Variants in HEXIM2 observed in about 807,000 individuals in gnomAD.
The protein encoded by HEXIM2 is protein HEXIM2.
For synonymous variants in HEXIM2, 159 were observed against 162.7 expected, an observed-to-expected ratio of 0.98 and a Z score of 0.17; for missense variants, 413 against 390.8, an observed-to-expected ratio of 1.06 and a Z score of -0.48.
Position 45,162,550 on chromosome 17 carries a change from C to T in HEXIM2, c.-130C>T. 1.6e-5 allele frequency: 22 copies of T among 1,362,816 alleles called. No homozygotes were observed. Among genetic ancestry groups the T allele is most frequent in the Non-Finnish European group, 2.1e-5 (22 of 1,054,600 alleles). 84.4% of individuals were successfully genotyped at this position (1,362,816 alleles called of 1,614,324 possible). On this transcript the variant is annotated 5_prime_UTR_variant, in exon 2 of 4. Coordinates refer to ENST00000589230, the MANE Select transcript of HEXIM2 (RefSeq NM_001303441.2). ...GAGGAGCAGGACAGAGAAGACGGCCCCTGAATCCCATTTGGCCCCTTGCTG... is the reference window on the plus strand; with the variant it reads ...GAGGAGCAGGACAGAGAAGACGGCCTCTGAATCCCATTTGGCCCCTTGCTG...
intron 3 of HEXIM2, among the ~76,000 whole-genome samples, chr17:45,165,196 G>A (rs541221567): frequency 1.3e-5 from 2 of 152,282 alleles, no homozygotes; most frequent in South Asian, 4.1e-4. Context: ...CAAGCCACTG[G>A]TGGAGACAAG....
chr17:45,169,516 CG>C lies in HEXIM2; in HGVS notation c.570del (p.Lys191ArgfsTer127). The C allele has an allele frequency of 1.9e-6, 3 of 1,603,286 alleles. No individual in the cohort carries two copies. Among genetic ancestry groups the C allele is most frequent in the Non-Finnish European group, 2.6e-6 (3 of 1,175,060 alleles). On this transcript the variant is annotated frameshift_variant, in exon 4 of 4. Coordinates refer to ENST00000589230, the MANE Select transcript of HEXIM2 (RefSeq NM_001303441.2). LOFTEE classifies it low-confidence loss of function (END_TRUNC). ...GRGRAHGEFQ[R>X]KDFSETYERF... ...GGGCCGAGCGCACGGTGAGTTCCAG[CG>C]GAAGGACTTCTCTGAGACTTACGAA...
chr17:45,165,431 C>G (rs2144062794), intron 3 of HEXIM2, among the ~76,000 whole-genome samples: 1 of 152,290 alleles, frequency 6.6e-6, no homozygotes, highest in East Asian at 1.9e-4. Context: ...TCACATGTCT[C>G]TGAACTGCGT....
chr17:45,162,817 CG>C lies in HEXIM2; in HGVS notation c.25del (p.Ala9ProfsTer37). 5.0e-6 allele frequency: 8 copies of C among 1,613,806 alleles called. No individual in the cohort carries two copies. Among genetic ancestry groups the C allele is most frequent in the Non-Finnish European group, 5.9e-6 (7 of 1,179,998 alleles). On this transcript the variant is annotated frameshift_variant, in exon 3 of 4. Transcript: ENST00000589230. LOFTEE classifies it low-confidence loss of function (END_TRUNC). ...AGATGATGGCCACTCCGAACCAGACCGCCTGTAATGCAGAGTCACCAGTGGC... is the reference window on the plus strand; with the variant it reads ...AGATGATGGCCACTCCGAACCAGACCCCTGTAATGCAGAGTCACCAGTGGC... MMATPNQT[A>X]CNAESPVALE...
In HEXIM2 at chr17:45,169,389, G is replaced by T. The variant is rs139634584; in HGVS notation, c.441G>T (p.Leu147=). The T allele has an allele frequency of 2.4e-4, 385 of 1,613,988 alleles. No individual in the cohort carries two copies. The highest frequency in any genetic ancestry group is 3.3e-4 in the Middle Eastern group (2 of 6,062). The change falls in exon 4 of 4, where the codon CTG becomes CTT. Residue 147 remains leucine, a synonymous_variant. Transcript: ENST00000589230. ...PVAPYNTTQF[L]MNDRDPEEPN... ...CCCCCTACAACACCACCCAGTTCCT[G>T]ATGAATGACAGGGACCCGGAGGAGC...
upstream of HEXIM2, chr17:45,160,807 A>T: frequency 1.3e-6 from 1 of 743,674 alleles, no homozygotes; most frequent in Non-Finnish European, 2.0e-6. Context: ...AGAGACCTTC[A>T]GGCACCGAGC....
At chr17:45,160,987 T>G (rs1453730677), upstream of HEXIM2, 1 of 1,283,514 alleles carries the variant, frequency 7.8e-7, no homozygotes, top group Non-Finnish European at 1.0e-6. Context: ...AGCCTCCAGC[T>G]GACTGCCACG....
rs143649734 is a variant in HEXIM2, at chr17:45,169,521, G to A, written c.573G>A (p.Lys191=). Residue 191 remains lysine, a synonymous_variant, in exon 4 of 4, where the codon AAG becomes AAA. Coordinates refer to ENST00000589230, the MANE Select transcript of HEXIM2 (RefSeq NM_001303441.2). The part of the protein sequence containing the change: ...RGRAHGEFQR[K]DFSETYERFH... ...GAGCGCACGGTGAGTTCCAGCGGAA[G>A]GACTTCTCTGAGACTTACGAACGCT... The A allele has an allele frequency of 1.9e-6, 3 of 1,599,496 alleles. No individual in the cohort carries two copies. The highest frequency in any genetic ancestry group is 2.6e-6 in the Non-Finnish European group (3 of 1,173,310).
intron 3 of HEXIM2, among the ~76,000 whole-genome samples, chr17:45,167,459 G>A (rs1446802035): frequency 6.6e-6 from 1 of 152,252 alleles, no homozygotes; most frequent in Non-Finnish European, 1.5e-5. Context: ...GTGGCCAGGT[G>A]TGGTGGCGCA....
chr17:45,162,121 C>A (rs767273909), intron 1 of HEXIM2, 90 bp downstream of exon 1: 2 of 575,622 alleles, frequency 3.5e-6, no homozygotes, highest in Non-Finnish European at 4.4e-6. Flanking sequence ...TCCCTCCCAG[C>A]TGCATGTAGT....
upstream of HEXIM2, among the ~76,000 whole-genome samples, chr17:45,160,502 G>C (rs2042657086): frequency 6.6e-6 from 1 of 151,982 alleles, no homozygotes; most frequent in South Asian, 2.1e-4. Context: ...TTTCCCTCTA[G>C]GAGGGCAGCC....
chr17:45,169,166 G>C lies in HEXIM2; in HGVS notation c.218G>C (p.Arg73Pro). Residue 73 changes from arginine to proline, a missense_variant, in exon 4 of 4, where the codon CGG (arginine) becomes CCG (proline). By Grantham distance (103) the Arg-to-Pro change is moderately radical. Coordinates refer to ENST00000589230, the MANE Select transcript of HEXIM2 (RefSeq NM_001303441.2). ...CTGGGCTGGAACAGTAGGAGTCCCC[G>C]GACCCAGAGCCCAGGGGGCTGCTCA... ...GGLGWNSRSP[R>P]TQSPGGCSAE... 6.2e-7 allele frequency: 1 copy of C among 1,613,778 alleles called. No homozygotes were observed. Among genetic ancestry groups the C allele is most frequent in the South Asian group, 1.1e-5 (1 of 91,078 alleles).
At chr17:45,160,915 C>T (rs1403707924), upstream of HEXIM2, 5 of 1,289,690 alleles carry the variant, frequency 3.9e-6, no homozygotes, top group Admixed American at 6.9e-5. Context: ...GCAACCCGGG[C>T]GGCGAGATGG....
intron 3 of HEXIM2, among the ~76,000 whole-genome samples, chr17:45,164,766 C>T (rs1197862074): frequency 6.6e-6 from 1 of 152,156 alleles, no homozygotes; most frequent in Non-Finnish European, 1.5e-5. Flanking sequence ...CTTGTTCGGC[C>T]CATGTTCTCT....
At chr17:45,168,806 C>G (rs1475917702) in intron 3 of HEXIM2, 6 of 592,834 alleles carry the variant, frequency 1.0e-5, no homozygotes, top group Non-Finnish European at 3.0e-6. Flanking sequence ...AAAATTCCTG[C>G]TCTCACCATG....
intron 3 of HEXIM2, among the ~76,000 whole-genome samples, chr17:45,165,686 C>T (rs1266935425): frequency 2.6e-5 from 4 of 152,206 alleles, no homozygotes; most frequent in Non-Finnish European, 5.9e-5. Flanking sequence ...GATCTCTTTC[C>T]TGCCATTCAT....
At chr17:45,164,700 G>A (rs982800343) in intron 3 of HEXIM2, among the ~76,000 whole-genome samples, 3 of 152,196 alleles carry the variant, frequency 2.0e-5, no homozygotes, top group African/African-American at 7.2e-5. Flanking sequence ...GAGAGAGAAA[G>A]ATCATATCAG....
At chr17:45,167,126 C>T (rs945530609) in intron 3 of HEXIM2, among the ~76,000 whole-genome samples, 1 of 147,428 alleles carries the variant, frequency 6.8e-6, no homozygotes, top group Non-Finnish European at 1.5e-5. Flanking sequence ...AGGAGTTCCA[C>T]ACCAGCCTGG....
chr17:45,163,195 G>A (rs565690644), intron 3 of HEXIM2, among the ~76,000 whole-genome samples: 54 of 152,140 alleles, frequency 3.5e-4, no homozygotes, highest in Non-Finnish European at 6.2e-4. Flanking sequence ...TAGTGGTGGC[G>A]CATGCCTGTG....
Sources: gnomAD v4.1 joint callset for allele counts (sites outside exome capture counted in the v4.1 genomes callset) on GRCh38, gnomAD v4.1.1 for gene constraint, MANE v1.5 for transcripts, NCBI Gene and HGNC (gene_info 2026-07-23, HGNC 2026-07-21) for gene names.